The following SMC4 variants were observed in gnomAD, a reference collection of about 807,000 sequenced individuals.
SMC4 encodes the protein structural maintenance of chromosomes protein 4.
A neutral mutation model predicts 145.6 loss-of-function variants in SMC4; 87 were observed. The observed-to-expected ratio is 0.60, with a 90% CI of 0.50 to 0.71. SMC4 has a LOEUF of 0.71. SMC4 is among the 30% of genes least tolerant of loss of function. SMC4 has a pLI of 0.00. For synonymous variants in SMC4, 558 were observed against 500.7 expected (o/e 1.11, Z -1.53); for missense variants, 1,447 against 1,537.1 (o/e 0.94, Z 0.98).
rs190101644 is a variant in SMC4 at position 160,430,115 on chromosome 3, T to A, written c.2796-484T>A. Among the ~76,000 whole-genome samples the A allele has an allele frequency of 8.9e-3, 1,349 of 152,208 alleles. 19 individuals are homozygous for A. The highest frequency in any genetic ancestry group is 0.024 in the Middle Eastern group (7 of 294). ...TAGCCATTTCTTTTTTTAGAAAAAATTTTAACAAATTGATTGCATATTGAT... is the reference window on the plus strand; with the variant it reads ...TAGCCATTTCTTTTTTTAGAAAAAAATTTAACAAATTGATTGCATATTGAT... On this transcript the variant is annotated intron_variant, in intron 18 of 23. Transcript: ENST00000357388.
In SMC4 at chr3:160,434,829, TC is replaced by T. The variant is rs1294833659; in HGVS notation, c.*1022del. 6.6e-6 allele frequency: 1 copy of T among 152,178 alleles called. No homozygotes were observed. Among genetic ancestry groups the T allele is most frequent in the Admixed American group, 6.6e-5 (1 of 15,266 alleles). 9.4% of individuals were successfully genotyped at this position (152,178 alleles called of 1,614,324 possible). A position where few individuals can be genotyped will look rare whatever the true frequency, so the allele number is the denominator to read the frequency against. ...AGGAATTAATTAAAGAGTTAATTGTTCCTTTCTTCAGTGGGCCATTGTTTTA... is the reference window on the plus strand; with the variant it reads ...AGGAATTAATTAAAGAGTTAATTGTTCTTTCTTCAGTGGGCCATTGTTTTA... On this transcript the variant is annotated 3_prime_UTR_variant, in exon 24 of 24. Transcript: ENST00000357388.
intron 15 of SMC4, among the ~76,000 whole-genome samples, chr3:160,424,068 C>T (rs868141210): frequency 1.3e-5 from 2 of 152,032 alleles, no homozygotes; most frequent in East Asian, 3.9e-4. Context: ...TTAATTAGTA[C>T]ATTTGGATCA....
intron 18 of SMC4, among the ~76,000 whole-genome samples, chr3:160,430,299 C>T (rs753585302): frequency 3.3e-5 from 5 of 151,700 alleles, no homozygotes; most frequent in East Asian, 1.9e-4. Flanking sequence ...CAATCTCTGA[C>T]GAGAAAATGA....
chr3:160,429,362 G>T (rs1718129019), intron 18 of SMC4, among the ~76,000 whole-genome samples: 1 of 152,054 alleles, frequency 6.6e-6, no homozygotes, highest in South Asian at 2.1e-4. Flanking sequence ...TTTATTTTTT[G>T]ATACAGAGTC....
At chr3:160,427,845 G>C (rs946634614) in intron 17 of SMC4, among the ~76,000 whole-genome samples, 1 of 152,162 alleles carries the variant, frequency 6.6e-6, no homozygotes, top group Non-Finnish European at 1.5e-5. Flanking sequence ...CCAGCACTTG[G>C]GAAGGCCAAG....
At chr3:160,403,417 G>C (rs1250139943) in intron 4 of SMC4, among the ~76,000 whole-genome samples, 2 of 152,114 alleles carry the variant, frequency 1.3e-5, no homozygotes, top group Non-Finnish European at 2.9e-5. Context: ...AAAATGTCTA[G>C]ATTATTTACC....
intron 5 of SMC4, among the ~76,000 whole-genome samples, chr3:160,411,353 A>G (rs922262448): frequency 6.6e-6 from 1 of 152,174 alleles, no homozygotes; most frequent in Non-Finnish European, 1.5e-5. Context: ...AAAACTGAAC[A>G]TGTAAGTTTT....
In SMC4 at chr3:160,419,046, A is replaced by G. The variant is rs147369977; in HGVS notation, c.1672-312A>G. On this transcript the variant is annotated intron_variant, in intron 11 of 23. Transcript: ENST00000357388. ...AATTAGGGCACACTTATGTATAACTATGTAGTATCAAACTGGGATTTCCAC... is the reference window on the plus strand; with the variant it reads ...AATTAGGGCACACTTATGTATAACTGTGTAGTATCAAACTGGGATTTCCAC... 2.6e-3 allele frequency among the ~76,000 whole-genome samples: 391 copies of G among 152,330 alleles called. 4 individuals carry two copies. Among genetic ancestry groups the G allele is most frequent in the African/African-American group, 8.7e-3 (363 of 41,580 alleles).
Position 160,400,811 on chromosome 3 carries a change from C to T in SMC4, c.-5-11C>T. The T allele has an allele frequency of 1.3e-6, 2 of 1,517,586 alleles. No homozygotes were observed. Among genetic ancestry groups the T allele is most frequent in the South Asian group, 2.4e-5 (2 of 82,008 alleles). The allele number at this position is 1,517,586 out of a possible 1,614,324, so 94.0% of individuals were successfully genotyped here. Reference sequence around the variant, plus strand: ...CGGGCTGACTTGCTCCCGGCTGTCCCCCGGCCCCAGCGACCATGCCCCGTA... The same window carrying T: ...CGGGCTGACTTGCTCCCGGCTGTCCTCCGGCCCCAGCGACCATGCCCCGTA... On this transcript the variant is annotated splice_polypyrimidine_tract_variant and intron_variant, in intron 1 of 23. Coordinates refer to ENST00000357388, the MANE Select transcript of SMC4 (RefSeq NM_001002800.3).
chr3:160,431,493 T>C (rs1718401326), intron 20 of SMC4, 150 bp from the exon 21 acceptor site: 1 of 694,714 alleles, frequency 1.4e-6, no homozygotes, highest in African/African-American at 1.8e-5. Flanking sequence ...GTTACAACTA[T>C]TTTTCTTGAA....
At chr3:160,411,818 T>C in intron 5 of SMC4, 102 bp from the exon 6 acceptor site, 1 of 869,474 alleles carries the variant, frequency 1.2e-6, no homozygotes. Flanking sequence ...TATTTAGATG[T>C]TTATTACTCT....
intron 10 of SMC4, 184 bp from the exon 11 acceptor site, chr3:160,417,539 T>C: frequency 1.7e-6 from 1 of 588,898 alleles, no homozygotes; most frequent in Non-Finnish European, 3.0e-6. Context: ...GAAAAGACTA[T>C]GTACAGTGAA....
rs2108482286 is a variant in SMC4 at position 160,419,388 on chromosome 3, G to A, written c.1702G>A (p.Glu568Lys). The A allele has an allele frequency of 6.3e-7, 1 of 1,598,706 alleles. No homozygotes were observed. The highest frequency in any genetic ancestry group is 8.5e-7 in the Non-Finnish European group (1 of 1,176,136). ...AAAAGAACTTCAAAAACTTACACAA[G>A]AAGAAACAAACTTTAAAAGTTTGGT... ...KEKELQKLTQ[E>K]ETNFKSLVHD... Residue 568 changes from glutamate (E) to lysine (K), a missense_variant, in exon 12 of 24, where the codon GAA (glutamate) becomes AAA (lysine). By Grantham distance (56) the Glu-to-Lys change is moderately conservative. Transcript: ENST00000357388.
At chr3:160,421,521 G>A (rs1443213385) in intron 13 of SMC4, among the ~76,000 whole-genome samples, 6 of 151,982 alleles carry the variant, frequency 3.9e-5, no homozygotes, top group African/African-American at 7.2e-5. Flanking sequence ...CAAGGCGGGC[G>A]GATCACGAGG....
intron 17 of SMC4, 22 bp from the exon 18 acceptor site, chr3:160,428,731 G>T (rs766300530): frequency 6.4e-6 from 10 of 1,556,716 alleles, no homozygotes; most frequent in African/African-American, 1.4e-5. Flanking sequence ...CACAAATTAG[G>T]TTCTTTATTT....
rs369027493 is a variant in SMC4 at position 160,423,349 on chromosome 3, GTTT to G, written c.2020-69_2020-67del. 217 of 812,590 alleles carry G rather than the reference GTTT, an allele frequency of 2.7e-4. 7 individuals are homozygous for G. The African/African-American group carries it at 3.9e-3, about 15-fold the overall frequency. The allele number at this position is 812,590 out of a possible 1,614,324, so 50.3% of individuals were successfully genotyped here. On this transcript the variant is annotated intron_variant, in intron 13 of 23. Transcript: ENST00000357388. Reference sequence around the variant, plus strand: ...TCTTTTGTTGAATTTATTCCTATGGGTTTTTTTTTGTTTTTTTTTTTGAGTTTT... The same window carrying G: ...TCTTTTGTTGAATTTATTCCTATGGGTTTTTTGTTTTTTTTTTTGAGTTTT...
In SMC4 at chr3:160,412,284, T is replaced by A. The variant is rs539601119; in HGVS notation, c.853-42T>A. 279 of 1,549,580 alleles carry A rather than the reference T, an allele frequency of 1.8e-4. 6 individuals are homozygous for A. The South Asian group carries it at 3.1e-3, about 17-fold the overall frequency. On this transcript the variant is annotated intron_variant, in intron 6 of 23. Coordinates refer to ENST00000357388, the MANE Select transcript of SMC4 (RefSeq NM_001002800.3). The stretch of plus-strand genomic sequence containing the variant: ...GCATATTTTAAGTTCATATTGTACA[T>A]ATGAAGTGTGTATTCAGTCTTTAAA...
chr3:160,430,474 A>G, intron 18 of SMC4, 125 bp from the exon 19 acceptor site: 1 of 891,580 alleles, frequency 1.1e-6, no homozygotes, highest in Admixed American at 2.7e-5. Context: ...AGTAAATCAT[A>G]AACTTAAAAA....
At chr3:160,413,123 C>T (rs571184768) in intron 7 of SMC4, among the ~76,000 whole-genome samples, 47 of 151,962 alleles carry the variant, frequency 3.1e-4, no homozygotes, top group African/African-American at 1.1e-3. Flanking sequence ...ATTATTGTTG[C>T]TGGGATTTTT....
Sources: gnomAD v4.1 joint callset for allele counts (sites outside exome capture counted in the v4.1 genomes callset) on GRCh38, gnomAD v4.1.1 for gene constraint, MANE v1.5 for transcripts, NCBI Gene and HGNC (gene_info 2026-07-23, HGNC 2026-07-21) for gene names.